The following UBE2J2 variants were observed in gnomAD, a reference collection of about 807,000 sequenced individuals.
The protein encoded by UBE2J2 is ubiquitin-conjugating enzyme E2 J2.
A neutral mutation model predicts 28.6 loss-of-function variants in UBE2J2; 5 were observed. The ratio of observed to expected loss-of-function variants is 0.17; its 90% CI spans 0.09 to 0.37. The LOEUF (loss-of-function observed/expected upper bound fraction) is 0.37. UBE2J2 is among the 10% of genes least tolerant of loss of function. The pLI is 1.00. For synonymous variants in UBE2J2, 138 were observed against 139.7 expected, an observed-to-expected ratio of 0.99 and a Z score of 0.09; for missense variants, 226 against 338.9, an observed-to-expected ratio of 0.67 and a Z score of 2.62.
Position 1,255,139 on chromosome 1 carries a change from C to A in UBE2J2, c.*64G>T. On this transcript the variant is annotated 3_prime_UTR_variant, in exon 7 of 7. Coordinates refer to ENST00000349431, the MANE Select transcript of UBE2J2 (RefSeq NM_058167.3). ...GCCTGTGCTGGGCAGTGTGTCCAGCCTGCCGAGGTCACGCTCTGGTGCGCG... is the reference window on the plus strand; with the variant it reads ...GCCTGTGCTGGGCAGTGTGTCCAGCATGCCGAGGTCACGCTCTGGTGCGCG... 6.7e-7 allele frequency: 1 copy of A among 1,489,412 alleles called. No homozygotes were observed. The highest frequency in any genetic ancestry group is 9.0e-7 in the Non-Finnish European group (1 of 1,109,554). The allele number at this position is 1,489,412 out of a possible 1,614,324, so 92.3% of individuals were successfully genotyped here.
At chr1:1,261,640 C>T (rs891231454) in intron 3 of UBE2J2, among the ~76,000 whole-genome samples, 3 of 151,834 alleles carry the variant, frequency 2.0e-5, no homozygotes, top group African/African-American at 7.2e-5. Flanking sequence ...CAAAGACCAC[C>T]ACCCATTTTG....
intron 6 of UBE2J2, 108 bp from the exon 7 acceptor site, chr1:1,255,595 G>C: frequency 7.4e-7 from 1 of 1,357,372 alleles, no homozygotes; most frequent in Non-Finnish European, 1.0e-6. Context: ...CCAAGCCCTA[G>C]GCTGTGTCAA....
intron 1 of UBE2J2, 92 bp downstream of exon 1, chr1:1,273,573 GT>G (rs1557572999): frequency 6.6e-6 from 1 of 151,762 alleles, no homozygotes; most frequent in African/African-American, 2.4e-5. Flanking sequence ...GTCGCGCAGG[GT>G]CCCCAGCAGC....
intron 2 of UBE2J2, chr1:1,267,589 T>A: frequency 1.4e-6 from 1 of 728,738 alleles, no homozygotes; most frequent in Non-Finnish European, 2.0e-6. Context: ...TGAGTCAACC[T>A]GGACCCCGCC....
At chr1:1,266,771 G>C (rs562384359) in intron 2 of UBE2J2, among the ~76,000 whole-genome samples, 3 of 152,152 alleles carry the variant, frequency 2.0e-5, no homozygotes, top group Non-Finnish European at 4.4e-5. Context: ...AGCTTGCAGT[G>C]AGCCGAGATT....
At chr1:1,259,535 T>A (rs746732266) in intron 3 of UBE2J2, among the ~76,000 whole-genome samples, 1 of 152,216 alleles carries the variant, frequency 6.6e-6, no homozygotes, top group Non-Finnish European at 1.5e-5. Flanking sequence ...TCGAGTGCTT[T>A]ACATCTTGCA....
At chr1:1,264,009 C>T (rs544773726) in intron 2 of UBE2J2, among the ~76,000 whole-genome samples, 8 of 152,156 alleles carry the variant, frequency 5.3e-5, no homozygotes, top group Non-Finnish European at 1.2e-4. Flanking sequence ...AAACGATGTA[C>T]TTTGAAATGT....
chr1:1,261,256 T>C (rs999048404), intron 3 of UBE2J2, among the ~76,000 whole-genome samples: 5 of 152,108 alleles, frequency 3.3e-5, no homozygotes, highest in African/African-American at 7.2e-5. Context: ...AGCAGTGCCA[T>C]AGAGGGAAAT....
chr1:1,259,717 A>G (rs1639442573), intron 3 of UBE2J2, among the ~76,000 whole-genome samples: 1 of 150,150 alleles, frequency 6.7e-6, no homozygotes, highest in East Asian at 1.9e-4. Context: ...ACCACCCCCC[A>G]TGTCCCCACG....
At position 1,267,909 on chromosome 1, in the gene UBE2J2, C is replaced by A. The variant is rs181599540; in HGVS notation, c.84G>T (p.Pro28=). 1 of 1,614,086 alleles carries A rather than the reference C, an allele frequency of 6.2e-7. No homozygotes were observed. Among genetic ancestry groups the A allele is most frequent in the Non-Finnish European group, 8.5e-7 (1 of 1,179,980 alleles). The change falls in exon 2 of 7, where the codon CCG becomes CCT. Residue 28 remains proline (P), a synonymous_variant. Coordinates refer to ENST00000349431, the MANE Select transcript of UBE2J2 (RefSeq NM_058167.3). ...KQDYLRIKKD[P]VPYICAEPLP... is the part of the protein sequence containing the mutation. ...GGGGCTCGGCACAGATGTAAGGCACCGGGTCTTTCTTAATGCGAAGGTAGT... is the reference window on the plus strand; with the variant it reads ...GGGGCTCGGCACAGATGTAAGGCACAGGGTCTTTCTTAATGCGAAGGTAGT...
At chr1:1,265,832 A>G (rs980053499) in intron 2 of UBE2J2, among the ~76,000 whole-genome samples, 3 of 151,910 alleles carry the variant, frequency 2.0e-5, no homozygotes, top group African/African-American at 7.3e-5. Context: ...ACAGGGTTCC[A>G]CCATGTTGGC....
At chr1:1,272,558 C>T (rs555971696) in intron 1 of UBE2J2, among the ~76,000 whole-genome samples, 1 of 152,170 alleles carries the variant, frequency 6.6e-6, no homozygotes, top group South Asian at 2.1e-4. Context: ...GGAGGCTGGA[C>T]GGAAGCCCGG....
At chr1:1,261,613 G>A (rs960660392) in intron 3 of UBE2J2, among the ~76,000 whole-genome samples, 1 of 151,322 alleles carries the variant, frequency 6.6e-6, no homozygotes, top group Non-Finnish European at 1.5e-5. Context: ...ATGTAAAGCT[G>A]GCATAATTTT....
chr1:1,269,136 C>A (rs1208491223), intron 1 of UBE2J2, among the ~76,000 whole-genome samples: 1 of 151,290 alleles, frequency 6.6e-6, no homozygotes, highest in African/African-American at 2.5e-5. Flanking sequence ...GACCCCAAGG[C>A]CCCTCAGCCA....
chr1:1,257,025 G>A lies in UBE2J2; in HGVS notation c.381C>T (p.Pro127=), dbSNP rs1431751975. The part of the protein sequence containing the change: ...GLLSFMVEKG[P]TLGSIETSDF... ...CCGACGTCTCTATACTGCCCAGGGTGGGGCCCTTCTCCACCATGAAGCTCA... is the reference window on the plus strand; with the variant it reads ...CCGACGTCTCTATACTGCCCAGGGTAGGGCCCTTCTCCACCATGAAGCTCA... Residue 127 remains proline (P), a synonymous_variant, in exon 5 of 7, where the codon CCC becomes CCT. Coordinates refer to ENST00000349431, the MANE Select transcript of UBE2J2 (RefSeq NM_058167.3). The A allele has an allele frequency of 6.2e-7, 1 of 1,611,104 alleles. No homozygotes were observed. The highest frequency in any genetic ancestry group is 8.5e-7 in the Non-Finnish European group (1 of 1,178,462).
Position 1,268,427 on chromosome 1 carries a change from G to A in UBE2J2, c.1-435C>T, listed in dbSNP as rs1039428933. ...ACCATAGAAGTGGGCAGGCACCACC[G>A]CCGGCCCCTTCACCGCACCCGGAAG... On this transcript the variant is annotated intron_variant, in intron 1 of 6. Transcript: ENST00000349431. This position sits in a 1 kb window ranked among gnomAD's most constrained non-coding sequence, Gnocchi z 4.7. Among the ~76,000 whole-genome samples the A allele has an allele frequency of 5.3e-5, 8 of 152,180 alleles. No individual in the cohort carries two copies. The South Asian group carries it at 6.2e-4, about 12-fold the overall frequency.
At position 1,255,392 on chromosome 1, in the gene UBE2J2, G is replaced by C. The variant is rs142877043; in HGVS notation, c.591C>G (p.Leu197=). The change falls in exon 7 of 7, where the codon CTC becomes CTG. Residue 197 remains leucine (L), a synonymous_variant. Transcript: ENST00000349431. The stretch of plus-strand genomic sequence containing the variant: ...TGAGCAGCTGAATCCCGTTCTGGAC[G>C]AGGTGCGTCTCCCCGTCTGGAACCA... ...PDVVPDGETH[L]VQNGIQLLNG... is the part of the protein sequence containing the mutation. The C allele has an allele frequency of 1.2e-6, 2 of 1,613,776 alleles. No homozygotes were observed. Among genetic ancestry groups the C allele is most frequent in the Non-Finnish European group, 1.7e-6 (2 of 1,180,034 alleles).
chr1:1,262,798 G>A (rs1639638288), intron 3 of UBE2J2: 3 of 175,464 alleles, frequency 1.7e-5, no homozygotes, highest in South Asian at 1.2e-4. Flanking sequence ...AGGTCTCTAG[G>A]TGGTGTCTGC....
At chr1:1,263,640 C>G (rs897903949) in intron 2 of UBE2J2, 1 of 383,114 alleles carries the variant, frequency 2.6e-6, no homozygotes, top group African/African-American at 2.0e-5. Context: ...ACCTTTGTTT[C>G]GACAATATAA....
Sources: gnomAD v4.1 joint callset for allele counts (sites outside exome capture counted in the v4.1 genomes callset) on GRCh38, gnomAD v4.1.1 for gene constraint, Gnocchi (gnomAD v3.1) non-coding constraint, MANE v1.5 for transcripts, NCBI Gene and HGNC (gene_info 2026-07-23, HGNC 2026-07-21) for gene names.